LRRTM4: variants seen among roughly 807,000 people sequenced by gnomAD.
LRRTM4 encodes leucine rich repeat transmembrane neuronal 4, also known as leucine-rich repeat transmembrane neuronal protein 4.
Under a neutral mutation model 47.6 loss-of-function variants are expected in LRRTM4, and 25 were observed. That is an observed-to-expected ratio of 0.53 (90% CI 0.38 to 0.73). The LOEUF (loss-of-function observed/expected upper bound fraction) is 0.73, where lower values mean the gene tolerates loss of function less well. Among genes scored for constraint, LRRTM4 ranks in the 30% least tolerant of loss-of-function variants. The pLI is 0.00. For synonymous variants in LRRTM4, 311 were observed against 269.5 expected (o/e 1.15, Z -1.51); for missense variants, 638 against 713.4 (o/e 0.89, Z 1.20).
chr2:76,869,506 T>C (rs1181140460), intron 3 of LRRTM4, among the ~76,000 whole-genome samples: 2 of 152,120 alleles, frequency 1.3e-5, no homozygotes, highest in Non-Finnish European at 2.9e-5. Flanking sequence ...TGGCTTATTC[T>C]GAGGCTGATT....
intron 3 of LRRTM4, among the ~76,000 whole-genome samples, chr2:76,912,960 A>G (rs1465867470): frequency 6.6e-6 from 1 of 152,178 alleles, no homozygotes; most frequent in Non-Finnish European, 1.5e-5. Flanking sequence ...AACCACTTTC[A>G]TTCATAAATT....
At chr2:77,009,417 C>T (rs534434594) in intron 3 of LRRTM4, 1 of 152,204 alleles carries the variant, frequency 6.6e-6, no homozygotes, top group East Asian at 1.9e-4. Context: ...AAAGCGATTA[C>T]AAGCATGATT....
chr2:77,268,514 C>T (rs1676111391), intron 3 of LRRTM4, among the ~76,000 whole-genome samples: 1 of 152,140 alleles, frequency 6.6e-6, no homozygotes, highest in Non-Finnish European at 1.5e-5. Context: ...CTTCTAACTG[C>T]TTTTCCACCA....
rs552039164 is a variant in LRRTM4 at position 77,039,968 on chromosome 2, C to A, written c.1552-291052G>T. ...CTTAGCTGTTAATTACTTAAAATTA[C>A]AATAAACTGTCTTTATAATCAAAAG... is the stretch of plus-strand genomic sequence containing the variant. On this transcript the variant is annotated intron_variant, in intron 3 of 3. Transcript: ENST00000409884. Among the ~76,000 whole-genome samples the A allele has an allele frequency of 2.6e-5, 4 of 150,952 alleles. No individual in the cohort carries two copies. In the South Asian group the frequency reaches 8.3e-4, roughly 31 times the overall value.
intron 3 of LRRTM4, among the ~76,000 whole-genome samples, chr2:77,213,623 G>A (rs1052718244): frequency 2.0e-5 from 3 of 152,110 alleles, no homozygotes; most frequent in African/African-American, 7.2e-5. Flanking sequence ...AGATAAGAAA[G>A]ACTTCTCTGC....
chr2:76,997,367 A>T (rs1233613944), intron 3 of LRRTM4, among the ~76,000 whole-genome samples: 3 of 151,980 alleles, frequency 2.0e-5, no homozygotes, highest in African/African-American at 4.8e-5. Flanking sequence ...AAGTTTGATG[A>T]TTTAAAAATC....
chr2:76,796,285 C>CA (rs749472924), intron 3 of LRRTM4, among the ~76,000 whole-genome samples: 1,508 of 127,422 alleles, frequency 0.012, 73 homozygotes, highest in African/African-American at 0.044. Context: ...AACAAAGCAG[C>CA]CAGGAAGCTC....
intron 3 of LRRTM4, among the ~76,000 whole-genome samples, chr2:77,299,352 TGTATATATGTGTGTATATATATAC>T (rs1226595117): frequency 1.6e-4 from 24 of 151,242 alleles, no homozygotes; most frequent in Admixed American, 5.3e-4. Context: ...CGTATATATA[TGTATATATGTGTGTATATATATAC>T]GTATATATGT....
chr2:77,284,349 A>T (rs2104108206), intron 3 of LRRTM4, among the ~76,000 whole-genome samples: 1 of 152,272 alleles, frequency 6.6e-6, no homozygotes, highest in Admixed American at 6.6e-5. Flanking sequence ...ACATTCTATT[A>T]ATAGAAGCCC....
chr2:77,261,302 C>T (rs10177212), intron 3 of LRRTM4, among the ~76,000 whole-genome samples: 18,718 of 152,108 alleles, frequency 0.12, 3,868 homozygotes, highest in African/African-American at 0.42. Context: ...CCAGTCCTCT[C>T]ACAGCTAGAC....
chr2:77,184,840 T>G (rs1673454673), intron 3 of LRRTM4, among the ~76,000 whole-genome samples: 1 of 152,166 alleles, frequency 6.6e-6, no homozygotes, highest in Admixed American at 6.6e-5. Context: ...CTCTGGTATC[T>G]TTTTTACTTC....
chr2:76,967,014 C>G lies in LRRTM4; in HGVS notation c.1552-218098G>C, dbSNP rs74392018. Among the ~76,000 whole-genome samples, 18 of 151,518 alleles carry G rather than the reference C, an allele frequency of 1.2e-4. No homozygotes were observed. The South Asian group carries it at 2.9e-3, about 24-fold the overall frequency. On this transcript the variant is annotated intron_variant, in intron 3 of 3. Coordinates refer to ENST00000409884, the MANE Select transcript of LRRTM4 (RefSeq NM_001134745.3). ...TTAGCTTTTAAAACTGCCAAATCAC[C>G]TATCAAATAAATAAATTTGTACTTA...
chr2:77,207,300 G>T (rs1431772256), intron 3 of LRRTM4, among the ~76,000 whole-genome samples: 1 of 129,680 alleles, frequency 7.7e-6, no homozygotes, highest in Non-Finnish European at 1.6e-5. Flanking sequence ...ATATATATAC[G>T]TATATATACA....
intron 3 of LRRTM4, among the ~76,000 whole-genome samples, chr2:76,783,221 T>C (rs1275833735): frequency 6.6e-6 from 1 of 152,188 alleles, no homozygotes; most frequent in East Asian, 1.9e-4. Context: ...TAGTAAGCAG[T>C]AAGCTAAATG....
chr2:76,915,005 G>A (rs1179220586), intron 3 of LRRTM4, among the ~76,000 whole-genome samples: 1 of 152,176 alleles, frequency 6.6e-6, no homozygotes, highest in African/African-American at 2.4e-5. Context: ...AAAGAAATAT[G>A]AACTGATGCC....
At chr2:77,057,769 A>G (rs918050379) in intron 3 of LRRTM4, among the ~76,000 whole-genome samples, 1 of 152,218 alleles carries the variant, frequency 6.6e-6, no homozygotes, top group Non-Finnish European at 1.5e-5. Flanking sequence ...GAACTGAGTT[A>G]TTAAAATACA....
At chr2:77,003,941 G>A (rs924612271) in intron 3 of LRRTM4, among the ~76,000 whole-genome samples, 1 of 152,154 alleles carries the variant, frequency 6.6e-6, no homozygotes, top group African/African-American at 2.4e-5. Flanking sequence ...AAACTTGTTG[G>A]GAGCTGGAAC....
intron 3 of LRRTM4, among the ~76,000 whole-genome samples, chr2:76,836,889 T>C (rs193140957): frequency 1.0e-3 from 155 of 152,266 alleles, no homozygotes; most frequent in Admixed American, 2.8e-3. Flanking sequence ...AATTGGTTTG[T>C]CTTTTCCCTT....
chr2:76,924,650 C>G (rs777103165), intron 3 of LRRTM4, among the ~76,000 whole-genome samples: 1 of 151,594 alleles, frequency 6.6e-6, no homozygotes, highest in Non-Finnish European at 1.5e-5. Flanking sequence ...ACAGTTTGAG[C>G]GTAATACAAA....
Sources: gnomAD v4.1 joint callset for allele counts (sites outside exome capture counted in the v4.1 genomes callset) on GRCh38, gnomAD v4.1.1 for gene constraint, MANE v1.5 for transcripts, NCBI Gene and HGNC (gene_info 2026-07-23, HGNC 2026-07-21) for gene names.